MEGF9: variants seen among roughly 807,000 people sequenced by gnomAD.
MEGF9 encodes the protein multiple epidermal growth factor-like domains protein 9.
MEGF9 carries 6 observed loss-of-function variants against 46.8 expected under a neutral mutation model. That is an observed-to-expected ratio of 0.13 (90% confidence interval 0.07 to 0.25). The LOEUF is 0.25. Among genes scored for constraint, MEGF9 ranks in the 10% least tolerant of loss-of-function variants. The probability of loss-of-function intolerance (pLI) is 1.00; values close to 1 mark genes in which losing one functional copy is unlikely to be tolerated. For synonymous variants in MEGF9, 302 were observed against 330.7 expected (o/e 0.91, Z 0.94); for missense variants, 683 against 792.4 (o/e 0.86, Z 1.66).
At chr9:120,679,842 G>A (rs1293883875) in intron 1 of MEGF9, among the ~76,000 whole-genome samples, 1 of 151,250 alleles carries the variant, frequency 6.6e-6, no homozygotes, top group African/African-American at 2.4e-5. Context: ...GGAGGCTGAG[G>A]CAGGAGAATC....
At chr9:120,691,183 C>T (rs959282972) in intron 1 of MEGF9, among the ~76,000 whole-genome samples, 3 of 151,978 alleles carry the variant, frequency 2.0e-5, no homozygotes, top group African/African-American at 4.8e-5. Context: ...AAAAAGCCAC[C>T]ATTTTTCATT....
At chr9:120,687,105 T>C (rs1478925857) in intron 1 of MEGF9, among the ~76,000 whole-genome samples, 2 of 152,164 alleles carry the variant, frequency 1.3e-5, no homozygotes, top group Non-Finnish European at 2.9e-5. Flanking sequence ...TGGTTACACA[T>C]AAAATTTATA....
At chr9:120,701,310 G>A (rs1210161554) in intron 1 of MEGF9, among the ~76,000 whole-genome samples, 3 of 152,074 alleles carry the variant, frequency 2.0e-5, no homozygotes, top group Non-Finnish European at 4.4e-5. Context: ...CAGTTTCTTG[G>A]AAGCATGTAA....
At chr9:120,710,544 T>G (rs2043948592) in intron 1 of MEGF9, among the ~76,000 whole-genome samples, 2 of 152,004 alleles carry the variant, frequency 1.3e-5, no homozygotes, top group Admixed American at 1.3e-4. Context: ...CAGATCAGTG[T>G]CCTTGTAAAC....
At chr9:120,682,984 A>G (rs1465194972) in intron 1 of MEGF9, among the ~76,000 whole-genome samples, 1 of 152,226 alleles carries the variant, frequency 6.6e-6, no homozygotes, top group Non-Finnish European at 1.5e-5. Context: ...CATGGGGCAT[A>G]TGGAGAAGAG....
chr9:120,668,814 G>A (rs1391609700), intron 1 of MEGF9, among the ~76,000 whole-genome samples: 1 of 152,322 alleles, frequency 6.6e-6, no homozygotes, highest in African/African-American at 2.4e-5. Context: ...AGGAATCTGA[G>A]TATCAGATAG....
intron 1 of MEGF9, among the ~76,000 whole-genome samples, chr9:120,707,329 G>A (rs1302283335): frequency 1.3e-5 from 2 of 152,066 alleles, no homozygotes; most frequent in East Asian, 1.9e-4. Flanking sequence ...GACCTACTCC[G>A]AATACATTTG....
At chr9:120,631,238 C>T (rs1182716512) in intron 2 of MEGF9, among the ~76,000 whole-genome samples, 3 of 152,196 alleles carry the variant, frequency 2.0e-5, no homozygotes, top group Admixed American at 2.0e-4. Flanking sequence ...AAGAGACTGT[C>T]CCATTCTCAA....
chr9:120,610,953 G>T (rs1272086658), intron 4 of MEGF9, among the ~76,000 whole-genome samples: 1 of 152,040 alleles, frequency 6.6e-6, no homozygotes, highest in Non-Finnish European at 1.5e-5. Flanking sequence ...ATGTGCAAAG[G>T]ATCTGAACAG....
chr9:120,706,566 G>A (rs1375911973), intron 1 of MEGF9, among the ~76,000 whole-genome samples: 1 of 152,248 alleles, frequency 6.6e-6, no homozygotes, highest in South Asian at 2.1e-4. Flanking sequence ...TGGGCACGGT[G>A]TCTCACACCT....
chr9:120,612,361 T>C (rs2416760), intron 4 of MEGF9, 35 bp downstream of exon 4: 1,063,507 of 1,580,000 alleles, frequency 0.67, 365,981 homozygotes, highest in Admixed American at 0.75. Context: ...GATTTTTTTT[T>C]CCCTCTAAAA....
intron 1 of MEGF9, among the ~76,000 whole-genome samples, chr9:120,668,339 T>C (rs776933308): frequency 2.2e-4 from 34 of 152,232 alleles, no homozygotes; most frequent in Non-Finnish European, 4.7e-4. Context: ...GATGAATTTC[T>C]TTAAACTAGA....
At chr9:120,687,443 T>C (rs1262880714) in intron 1 of MEGF9, among the ~76,000 whole-genome samples, 1 of 152,204 alleles carries the variant, frequency 6.6e-6, no homozygotes, top group African/African-American at 2.4e-5. Flanking sequence ...TGTGCAATGT[T>C]GTTCATTGCA....
At chr9:120,616,296 G>C (rs182014638) in intron 3 of MEGF9, among the ~76,000 whole-genome samples, 9 of 151,684 alleles carry the variant, frequency 5.9e-5, no homozygotes, top group African/African-American at 1.7e-4. Context: ...AGACCATAAC[G>C]TTTAAAACCT....
intron 3 of MEGF9, among the ~76,000 whole-genome samples, chr9:120,617,804 A>G (rs976220626): frequency 8.5e-5 from 13 of 152,232 alleles, no homozygotes; most frequent in African/African-American, 3.1e-4. Context: ...ATGCAATAAA[A>G]GTCATGAACA....
At chr9:120,644,041 G>A (rs1318171225) in intron 2 of MEGF9, among the ~76,000 whole-genome samples, 1 of 152,136 alleles carries the variant, frequency 6.6e-6, no homozygotes, top group African/African-American at 2.4e-5. Flanking sequence ...ATGTAATCAG[G>A]ACATATTTAT....
intron 4 of MEGF9, among the ~76,000 whole-genome samples, chr9:120,608,302 G>T (rs938935803): frequency 6.6e-6 from 1 of 152,106 alleles, no homozygotes; most frequent in Non-Finnish European, 1.5e-5. Flanking sequence ...CCAGCTTATT[G>T]TAGGAATGAT....
Position 120,689,542 on chromosome 9 carries a change from TA to T in MEGF9, c.601+24215del, listed in dbSNP as rs1010522470. 8.2e-4 allele frequency among the ~76,000 whole-genome samples: 124 copies of T among 151,916 alleles called. 1 individual carries two copies. The highest frequency in any genetic ancestry group is 2.9e-3 in the African/African-American group (119 of 41,432). ...GCAAAGAGACTTTTTAGCAGCCTGC[TA>T]AAAAAAATCCAATTGAGAGATGAAG... On this transcript the variant is annotated intron_variant, in intron 1 of 5. Coordinates refer to ENST00000373930, the MANE Select transcript of MEGF9 (RefSeq NM_001080497.3).
intron 1 of MEGF9, among the ~76,000 whole-genome samples, chr9:120,685,581 T>C (rs1473488614): frequency 6.6e-6 from 1 of 152,222 alleles, no homozygotes; most frequent in Non-Finnish European, 1.5e-5. Flanking sequence ...ATACATCCCA[T>C]TCACTACTTT....
Sources: gnomAD v4.1 joint callset for allele counts (sites outside exome capture counted in the v4.1 genomes callset) on GRCh38, gnomAD v4.1.1 for gene constraint, MANE v1.5 for transcripts, NCBI Gene and HGNC (gene_info 2026-07-23, HGNC 2026-07-21) for gene names.